Variants in CISD2 observed in about 807,000 individuals in gnomAD.
CISD2 encodes CDGSH iron-sulfur domain-containing protein 2.
CISD2 carries 1 observed loss-of-function variant against 12.9 expected under a neutral mutation model. The ratio of observed to expected loss-of-function variants is 0.08; its 90% CI spans 0.03 to 0.37. The LOEUF (loss-of-function observed/expected upper bound fraction) is 0.37, where lower values mean the gene tolerates loss of function less well. CISD2 is among the 10% of genes least tolerant of loss of function. The pLI is 0.99. For missense variants in CISD2, 97 were observed against 163.1 expected, an observed-to-expected ratio of 0.59 and a Z score of 2.21; for synonymous variants, 50 against 60.6, an observed-to-expected ratio of 0.83 and a Z score of 0.81.
At chr4:102,877,598 C>G (rs1422850793) in intron 1 of CISD2, among the ~76,000 whole-genome samples, 1 of 152,232 alleles carries the variant, frequency 6.6e-6, no homozygotes, top group Non-Finnish European at 1.5e-5. Flanking sequence ...ATGGCTCTGC[C>G]AGGCAGTGAC....
At position 102,890,127 on chromosome 4, in the gene CISD2, G is replaced by A. The variant is rs1426665173; in HGVS notation, c.*2697G>A. 4.6e-5 allele frequency: 7 copies of A among 152,164 alleles called. No homozygotes were observed. In the East Asian group the frequency reaches 1.2e-3, roughly 25 times the overall value. 9.4% of individuals were successfully genotyped at this position (152,164 alleles called of 1,614,324 possible). A position where few individuals can be genotyped will look rare whatever the true frequency, so the allele number is the denominator to read the frequency against. ...TGAGGTATGAATGATTCATTCATAT[G>A]GGTAATTAAGCAAGTTGAATTATGG... On this transcript the variant is annotated 3_prime_UTR_variant, in exon 3 of 3. Transcript: ENST00000273986.
At chr4:102,887,233 AT>A (rs978786661) in intron 2 of CISD2, 107 bp from the exon 3 acceptor site, 11 of 700,178 alleles carry the variant, frequency 1.6e-5, no homozygotes, top group Non-Finnish European at 2.6e-5. Context: ...AAACGATCTG[AT>A]TTTTTTTAGC....
chr4:102,881,552 T>C (rs1231019919), intron 1 of CISD2, among the ~76,000 whole-genome samples: 1 of 152,250 alleles, frequency 6.6e-6, no homozygotes, highest in Non-Finnish European at 1.5e-5. Flanking sequence ...CCCATAAATA[T>C]GTACAGTTAT....
At chr4:102,881,443 A>G in intron 1 of CISD2, among the ~76,000 whole-genome samples, 1 of 152,254 alleles carries the variant, frequency 6.6e-6, no homozygotes, top group Non-Finnish European at 1.5e-5. Context: ...TGTTCTCAAT[A>G]TAAATAAATG....
At chr4:102,879,552 G>A (rs1003811640) in intron 1 of CISD2, among the ~76,000 whole-genome samples, 31 of 152,202 alleles carry the variant, frequency 2.0e-4, no homozygotes, top group African/African-American at 7.2e-4. Flanking sequence ...GGAGGCTGAG[G>A]CAGGCAGATG....
intron 1 of CISD2, among the ~76,000 whole-genome samples, chr4:102,884,292 C>T (rs1560905264): frequency 6.6e-6 from 1 of 152,190 alleles, no homozygotes; most frequent in African/African-American, 2.4e-5. Flanking sequence ...ATACTCTTAG[C>T]ATAACCTGTT....
In CISD2 at chr4:102,889,382, C is replaced by T. The variant is rs1734113741; in HGVS notation, c.*1952C>T. The T allele has an allele frequency of 6.6e-6, 1 of 152,158 alleles. No individual in the cohort carries two copies. The highest frequency in any genetic ancestry group is 2.1e-4 in the South Asian group (1 of 4,834). The allele number at this position is 152,158 out of a possible 1,614,324, so 9.4% of individuals were successfully genotyped here. The stretch of plus-strand genomic sequence containing the variant: ...TCCACCTCACCAAAATTTTGGATAT[C>T]CTGATCTGTGTTCATGAAATGCTCT... On this transcript the variant is annotated 3_prime_UTR_variant, in exon 3 of 3. Coordinates refer to ENST00000273986, the MANE Select transcript of CISD2 (RefSeq NM_001008388.5).
At chr4:102,876,860 A>G (rs1733604423) in intron 1 of CISD2, among the ~76,000 whole-genome samples, 1 of 152,176 alleles carries the variant, frequency 6.6e-6, no homozygotes, top group Admixed American at 6.5e-5. Context: ...CGGTCATGGT[A>G]GAAGGGAGCG....
intron 1 of CISD2, among the ~76,000 whole-genome samples, chr4:102,874,261 A>T (rs896440089): frequency 1.3e-5 from 2 of 152,190 alleles, no homozygotes; most frequent in African/African-American, 4.8e-5. Flanking sequence ...ATATTCTTAC[A>T]ACTGGGAGCT....
chr4:102,883,563 A>C (rs1039908123), intron 1 of CISD2, among the ~76,000 whole-genome samples: 5 of 152,186 alleles, frequency 3.3e-5, no homozygotes, highest in African/African-American at 9.7e-5. Flanking sequence ...GTTGGGTACA[A>C]ATCTAAACAG....
intron 1 of CISD2, among the ~76,000 whole-genome samples, chr4:102,873,555 G>A (rs1733516349): frequency 6.6e-6 from 1 of 152,064 alleles, no homozygotes. Flanking sequence ...AATTATAGGT[G>A]TGAGGCACTG....
chr4:102,880,536 G>T (rs1050087762), intron 1 of CISD2, among the ~76,000 whole-genome samples: 1 of 151,998 alleles, frequency 6.6e-6, no homozygotes, highest in African/African-American at 2.4e-5. Flanking sequence ...AAATTTGCTT[G>T]GTGTGGTGGC....
rs769562029 is a variant in CISD2 at position 102,878,522 on chromosome 4, ATCTC to A, written c.104-6687_104-6684del. On this transcript the variant is annotated intron_variant, in intron 1 of 2. Transcript: ENST00000273986. ...TAAACCTAAGTTCCGATTTCAGGTC[ATCTC>A]TCTCTCAAGTTTCATCAGTCTCTTG... Among the ~76,000 whole-genome samples, 49 of 152,274 alleles carry A rather than the reference ATCTC, an allele frequency of 3.2e-4. No individual in the cohort carries two copies. In the East Asian group the frequency reaches 3.7e-3, roughly 11 times the overall value.
intron 1 of CISD2, chr4:102,869,406 G>C: frequency 1.4e-6 from 1 of 717,390 alleles, no homozygotes. Flanking sequence ...TGTCCTCGGA[G>C]TTGTCTCCGG....
chr4:102,884,168 C>T (rs1343162822), intron 1 of CISD2, among the ~76,000 whole-genome samples: 2 of 152,062 alleles, frequency 1.3e-5, no homozygotes, highest in African/African-American at 4.8e-5. Context: ...TTAGGGTGTC[C>T]TGGACTAAAC....
chr4:102,885,041 AGGT>A (rs1733834569), intron 1 of CISD2, 172 bp from the exon 2 acceptor site: 1 of 598,750 alleles, frequency 1.7e-6, no homozygotes, highest in African/African-American at 1.9e-5. Flanking sequence ...AAATAAAGTA[AGGT>A]GGTCTTTGGT....
rs1734037024 is a variant in CISD2 at position 102,888,182 on chromosome 4, T to TAA, written c.*753_*754dup. On this transcript the variant is annotated 3_prime_UTR_variant, in exon 3 of 3. Coordinates refer to ENST00000273986, the MANE Select transcript of CISD2 (RefSeq NM_001008388.5). ...ATTTGAAGATAATTGGTAATAAACA[T>TAA]AAGACATTAATTCATATTAAAATAG... is the stretch of plus-strand genomic sequence containing the variant. 6.6e-6 allele frequency: 1 copy of TAA among 151,926 alleles called. No individual in the cohort carries two copies. The highest frequency in any genetic ancestry group is 1.5e-5 in the Non-Finnish European group (1 of 68,040). 9.4% of individuals were successfully genotyped at this position (151,926 alleles called of 1,614,324 possible). A position where few individuals can be genotyped will look rare whatever the true frequency, so the allele number is the denominator to read the frequency against.
In CISD2 at chr4:102,891,288, GCTT is replaced by G. The variant is rs1734235737; in HGVS notation, c.*3862_*3864del. 1 of 152,150 alleles carries G rather than the reference GCTT, an allele frequency of 6.6e-6. No individual in the cohort carries two copies. Among genetic ancestry groups the G allele is most frequent in the African/African-American group, 2.4e-5 (1 of 41,428 alleles). The allele number at this position is 152,150 out of a possible 1,614,324, so 9.4% of individuals were successfully genotyped here. ...TAACAAGTTTGGTTATCTGATTTCT[GCTT>G]CTTAACAAATCACAAGTATCAAAAG... On this transcript the variant is annotated 3_prime_UTR_variant, in exon 3 of 3. Coordinates refer to ENST00000273986, the MANE Select transcript of CISD2 (RefSeq NM_001008388.5).
rs1214144252 is a variant in CISD2 at position 102,887,991 on chromosome 4, G to A, written c.*561G>A. ...AAAAGAAGTAAACTGGATACAAAAA[G>A]TTCCATTGAGGAACAGTTATTTACA... On this transcript the variant is annotated 3_prime_UTR_variant, in exon 3 of 3. Transcript: ENST00000273986. 6.5e-6 allele frequency: 1 copy of A among 153,250 alleles called. No individual in the cohort carries two copies. Among genetic ancestry groups the A allele is most frequent in the Non-Finnish European group, 1.5e-5 (1 of 68,960 alleles). 9.5% of individuals were successfully genotyped at this position (153,250 alleles called of 1,614,324 possible). A position where few individuals can be genotyped will look rare whatever the true frequency, so the allele number is the denominator to read the frequency against.
Sources: allele counts gnomAD v4.1 joint callset (sites outside exome capture counted in the v4.1 genomes callset), GRCh38; gene constraint gnomAD v4.1.1; transcripts MANE v1.5; gene names NCBI Gene and HGNC (gene_info 2026-07-23, HGNC 2026-07-21).